LRRC28: variants seen among roughly 807,000 people sequenced by gnomAD.
LRRC28 encodes leucine rich repeat containing 28, also known as leucine-rich repeat-containing protein 28.
Under a neutral mutation model 45.7 loss-of-function variants are expected in LRRC28, and 39 were observed. The observed-to-expected ratio is 0.85, with a 90% CI of 0.66 to 1.12. LRRC28 has a LOEUF of 1.12. LRRC28 is among the 50% of genes most tolerant of loss of function. The pLI is 0.00. For missense variants in LRRC28, 435 were observed against 438.5 expected (o/e 0.99, Z 0.07); for synonymous variants, 206 against 178.8 (o/e 1.15, Z -1.22).
chr15:99,381,219 CTTTG>C (rs889567627), intron 9 of LRRC28, among the ~76,000 whole-genome samples: 2 of 152,152 alleles, frequency 1.3e-5, no homozygotes, highest in African/African-American at 4.8e-5. Flanking sequence ...TTCTTGGAGG[CTTTG>C]TTTGTTTCTT....
At position 99,390,116 on chromosome 15, in the gene LRRC28, T is replaced by G. The variant is rs549730736; in HGVS notation, c.*4014T>G. ...CTGGGCAACAGAGCGAGACTCCGTC[T>G]CAAAAAAAAATCATTCAAGTTTCAC... On this transcript the variant is annotated 3_prime_UTR_variant, in exon 10 of 10. Coordinates refer to ENST00000301981, the MANE Select transcript of LRRC28 (RefSeq NM_144598.5). The G allele has an allele frequency of 6.6e-6, 1 of 151,148 alleles. No homozygotes were observed. The highest frequency in any genetic ancestry group is 1.5e-5 in the Non-Finnish European group (1 of 67,368). The allele number at this position is 151,148 out of a possible 1,614,324, so 9.4% of individuals were successfully genotyped here.
At chr15:99,288,723 A>G (rs548627903) in intron 5 of LRRC28, among the ~76,000 whole-genome samples, 4 of 151,544 alleles carry the variant, frequency 2.6e-5, no homozygotes, top group Admixed American at 2.6e-4. Flanking sequence ...TCTGTTGCCC[A>G]GGCTCTAGTG....
In LRRC28 at chr15:99,337,186, T is replaced by C. The variant is rs374095838; in HGVS notation, c.592+3057T>C. ...TAGTCATTGGCCACTCATTCCTGCC[T>C]TTCTTTCAGCAGTGACAAAAGCTGA... On this transcript the variant is annotated intron_variant, in intron 6 of 9. Transcript: ENST00000301981. Among the ~76,000 whole-genome samples the C allele has an allele frequency of 4.3e-4, 65 of 152,358 alleles. 1 individual carries two copies. The highest frequency in any genetic ancestry group is 1.2e-3 in the African/African-American group (50 of 41,586).
intron 2 of LRRC28, among the ~76,000 whole-genome samples, chr15:99,260,770 T>G (rs2081173917): frequency 1.3e-5 from 2 of 152,264 alleles, no homozygotes; most frequent in South Asian, 4.1e-4. Context: ...TATTTACAAC[T>G]GCAATACTGC....
chr15:99,253,765 G>T (rs1222397297), intron 1 of LRRC28, among the ~76,000 whole-genome samples: 1 of 152,236 alleles, frequency 6.6e-6, no homozygotes, highest in Admixed American at 6.5e-5. Flanking sequence ...CAGGGAGACT[G>T]GTAATACTGT....
At chr15:99,270,429 G>A (rs1418717644) in intron 2 of LRRC28, among the ~76,000 whole-genome samples, 1 of 102,080 alleles carries the variant, frequency 9.8e-6, no homozygotes, top group Non-Finnish European at 2.1e-5. Context: ...CCATTGCCCC[G>A]CCCCCACCCT....
intron 5 of LRRC28, among the ~76,000 whole-genome samples, chr15:99,324,304 C>T (rs1567663403): frequency 6.6e-6 from 1 of 152,086 alleles, no homozygotes; most frequent in Non-Finnish European, 1.5e-5. Context: ...TTGGAATTTT[C>T]CATTTAATAT....
rs199688894 is a variant in LRRC28 at position 99,386,021 on chromosome 15, C to G, written c.1032-9C>G. 510 of 1,613,048 alleles carry G rather than the reference C, an allele frequency of 3.2e-4. 1 individual carries two copies. Among genetic ancestry groups the G allele is most frequent in the Middle Eastern group, 2.0e-3 (12 of 6,056 alleles). ...CACAGCGTTCTTCTCTCCCTTTTTCCCCTTCCAGGAAGACAACTGTTAGTT... is the reference window on the plus strand; with the variant it reads ...CACAGCGTTCTTCTCTCCCTTTTTCGCCTTCCAGGAAGACAACTGTTAGTT... On this transcript the variant is annotated splice_polypyrimidine_tract_variant and intron_variant, in intron 9 of 9. Transcript: ENST00000301981.
chr15:99,254,832 G>T (rs1193139146), intron 1 of LRRC28, among the ~76,000 whole-genome samples: 2 of 152,330 alleles, frequency 1.3e-5, no homozygotes, highest in East Asian at 3.9e-4. Context: ...GGAGCTAGAA[G>T]AGAATTTATA....
At chr15:99,286,157 G>A (rs2081953194) in intron 3 of LRRC28, among the ~76,000 whole-genome samples, 1 of 152,172 alleles carries the variant, frequency 6.6e-6, no homozygotes, top group African/African-American at 2.4e-5. Context: ...TTGAGACGGA[G>A]TCTCACTCTG....
intron 2 of LRRC28, among the ~76,000 whole-genome samples, chr15:99,256,669 A>G (rs1306927237): frequency 1.3e-5 from 2 of 152,262 alleles, no homozygotes; most frequent in African/African-American, 4.8e-5. Flanking sequence ...GAATTGGGCT[A>G]GCATACAATT....
At chr15:99,332,733 A>G (rs540944502) in intron 5 of LRRC28, among the ~76,000 whole-genome samples, 48 of 152,306 alleles carry the variant, frequency 3.2e-4, no homozygotes, top group South Asian at 2.1e-4. Flanking sequence ...GTCTGTAGCA[A>G]TGAGAAAAAC....
At chr15:99,293,089 T>C (rs2082168088) in intron 5 of LRRC28, among the ~76,000 whole-genome samples, 1 of 152,226 alleles carries the variant, frequency 6.6e-6, no homozygotes, top group African/African-American at 2.4e-5. Flanking sequence ...TTGGCTTTTC[T>C]CTAGGGTTCA....
intron 5 of LRRC28, among the ~76,000 whole-genome samples, chr15:99,290,260 AAAAAAAAAG>A (rs1189551251): frequency 6.7e-6 from 1 of 149,364 alleles, no homozygotes; most frequent in Admixed American, 6.7e-5. Flanking sequence ...CCCTGCCTCA[AAAAAAAAAG>A]AAAAAAAGAA....
At chr15:99,286,716 A>C (rs1201725294) in intron 3 of LRRC28, 1 of 152,274 alleles carries the variant, frequency 6.6e-6, no homozygotes, top group Non-Finnish European at 1.5e-5. Flanking sequence ...TCTTGTTACA[A>C]AATTTCTTTT....
intron 3 of LRRC28, among the ~76,000 whole-genome samples, chr15:99,278,368 C>A (rs1363105258): frequency 1.3e-5 from 2 of 152,250 alleles, no homozygotes; most frequent in Admixed American, 1.3e-4. Flanking sequence ...CCTGCCTCAG[C>A]CTCCTAGTAG....
At chr15:99,271,177 T>C (rs1317862620) in intron 2 of LRRC28, among the ~76,000 whole-genome samples, 1 of 152,212 alleles carries the variant, frequency 6.6e-6, no homozygotes, top group African/African-American at 2.4e-5. Flanking sequence ...TTGCCAGATA[T>C]ATGATTTGTA....
rs552002861 is a variant in LRRC28 at position 99,346,849 on chromosome 15, C to T, written c.593-5520C>T. On this transcript the variant is annotated intron_variant, in intron 6 of 9. Transcript: ENST00000301981. ...ATTTTTCCTTTCCAAATTGCATGAC[C>T]TCTGTTCAGTGTTATTTTCCATTGA... Among the ~76,000 whole-genome samples, 5 of 152,124 alleles carry T rather than the reference C, an allele frequency of 3.3e-5. No homozygotes were observed. In the South Asian group the frequency reaches 1.0e-3, roughly 32 times the overall value.
In LRRC28 at chr15:99,275,369, C is replaced by G. The variant is rs538005909; in HGVS notation, c.169-1207C>G. Among the ~76,000 whole-genome samples, 12 of 152,314 alleles carry G rather than the reference C, an allele frequency of 7.9e-5. No homozygotes were observed. The South Asian group carries it at 1.4e-3, about 18-fold the overall frequency. ...CCTGCCAATGGCCAATTTCCTGGCC[C>G]TCTACTCTGATGTCTGGACCTGTGG... On this transcript the variant is annotated intron_variant, in intron 2 of 9. Transcript: ENST00000301981.
Sources: allele counts gnomAD v4.1 joint callset (sites outside exome capture counted in the v4.1 genomes callset), GRCh38; gene constraint gnomAD v4.1.1; transcripts MANE v1.5; gene names NCBI Gene and HGNC (gene_info 2026-07-23, HGNC 2026-07-21).